Variants in TMC2 observed in about 807,000 individuals in gnomAD.
TMC2 encodes transmembrane channel-like protein 2.
Under a neutral mutation model 105.9 loss-of-function variants are expected in TMC2, and 102 were observed. The observed-to-expected ratio is 0.96, with a 90% CI of 0.82 to 1.14. The LOEUF is 1.14. Among genes scored for constraint, TMC2 ranks in the 50% most tolerant of loss-of-function variants. The pLI is 0.00. For missense variants in TMC2, 1,093 were observed against 1,134.3 expected, an observed-to-expected ratio of 0.96 and a Z score of 0.52; for synonymous variants, 402 against 422.8, an observed-to-expected ratio of 0.95 and a Z score of 0.60.
intron 4 of TMC2, among the ~76,000 whole-genome samples, chr20:2,565,302 C>T (rs1202381815): frequency 7.2e-5 from 11 of 152,218 alleles, no homozygotes; most frequent in Admixed American, 7.2e-4. Context: ...CCATTATTGT[C>T]ACCATTTTAC....
intron 5 of TMC2, among the ~76,000 whole-genome samples, chr20:2,578,132 C>T (rs1207833231): frequency 6.6e-6 from 1 of 151,982 alleles, no homozygotes; most frequent in East Asian, 1.9e-4. Context: ...GCCTGCCTGG[C>T]CAACATGGTG....
At chr20:2,613,576 G>A (rs1350850959) in intron 14 of TMC2, 1 of 448,514 alleles carries the variant, frequency 2.2e-6, no homozygotes, top group Non-Finnish European at 4.2e-6. Context: ...TTGGCCTAGG[G>A]GAAAGTGGAC....
At chr20:2,586,830 CT>C (rs1349828628) in intron 7 of TMC2, among the ~76,000 whole-genome samples, 2 of 152,162 alleles carry the variant, frequency 1.3e-5, no homozygotes, top group African/African-American at 4.8e-5. Flanking sequence ...ATAAATTTTC[CT>C]CTCAATACCA....
In TMC2 at chr20:2,602,339, C is replaced by A. The variant is rs561586556; in HGVS notation, c.1413+38C>A. The A allele has an allele frequency of 7.5e-6, 11 of 1,456,968 alleles. No individual in the cohort carries two copies. In the Admixed American group the frequency reaches 1.3e-4, roughly 18 times the overall value. 90.3% of individuals were successfully genotyped at this position (1,456,968 alleles called of 1,614,324 possible). ...TCGCTGATGAACTGAAGGTTGATGG[C>A]AAATACTGAAATCACTGGTTCCTAT... On this transcript the variant is annotated intron_variant, in intron 11 of 19. Coordinates refer to ENST00000358864, the MANE Select transcript of TMC2 (RefSeq NM_080751.3).
chr20:2,551,816 A>G (rs1438340712), intron 2 of TMC2, among the ~76,000 whole-genome samples: 1 of 152,202 alleles, frequency 6.6e-6, no homozygotes, highest in Middle Eastern at 3.2e-3. Flanking sequence ...TGAGCTCTCT[A>G]TTCCATCCCA....
intron 16 of TMC2, among the ~76,000 whole-genome samples, chr20:2,622,460 G>C (rs1355863150): frequency 7.2e-5 from 11 of 152,162 alleles, no homozygotes; most frequent in Non-Finnish European, 1.6e-4. Context: ...CTGAGGTCAG[G>C]AGTTCAAGAC....
intron 11 of TMC2, among the ~76,000 whole-genome samples, chr20:2,603,415 T>A (rs1214523294): frequency 2.6e-5 from 4 of 152,126 alleles, no homozygotes; most frequent in African/African-American, 9.7e-5. Context: ...AAAATCAGAT[T>A]TAAGTCTAAA....
chr20:2,554,369 T>C (rs1044485059), intron 2 of TMC2, among the ~76,000 whole-genome samples: 1 of 152,228 alleles, frequency 6.6e-6, no homozygotes, highest in Non-Finnish European at 1.5e-5. Context: ...GGGTCATCAA[T>C]ATTATCAATC....
At chr20:2,640,508 T>C (rs1193898004) in intron 19 of TMC2, among the ~76,000 whole-genome samples, 1 of 152,088 alleles carries the variant, frequency 6.6e-6, no homozygotes, top group African/African-American at 2.4e-5. Context: ...AGTGCTGATA[T>C]GGGGACCCTG....
Position 2,610,516 on chromosome 20 carries a change from G to C in TMC2, c.1511G>C (p.Trp504Ser). ...TACCACCCACGCACTGGACTGAAGT[G>C]GCAGCTGGGACGCATCTTTGCACTC... ...ENYHPRTGLK[W>S]QLGRIFALFL... Residue 504 changes from tryptophan to serine, a missense_variant, in exon 12 of 20, where the codon TGG (tryptophan) becomes TCG (serine). Physicochemically the swap from Trp to Ser is radical, Grantham distance 177 (BLOSUM62 -3). Coordinates refer to ENST00000358864, the MANE Select transcript of TMC2 (RefSeq NM_080751.3). 2 of 1,613,766 alleles carry C rather than the reference G, an allele frequency of 1.2e-6. No individual in the cohort carries two copies. Among genetic ancestry groups the C allele is most frequent in the Non-Finnish European group, 8.5e-7 (1 of 1,179,830 alleles).
intron 11 of TMC2, among the ~76,000 whole-genome samples, chr20:2,602,993 G>A (rs2086362876): frequency 6.6e-6 from 1 of 152,222 alleles, no homozygotes; most frequent in South Asian, 2.1e-4. Context: ...CATGAAACAT[G>A]CAGAGATTTG....
At chr20:2,586,147 A>G (rs1600114112) in intron 7 of TMC2, among the ~76,000 whole-genome samples, 1 of 152,170 alleles carries the variant, frequency 6.6e-6, no homozygotes, top group African/African-American at 2.4e-5. Context: ...CTCAGATTCC[A>G]AACTCTCACT....
At chr20:2,594,633 A>G (rs2086292220) in intron 8 of TMC2, among the ~76,000 whole-genome samples, 192 bp from the exon 9 acceptor site, 1 of 152,174 alleles carries the variant, frequency 6.6e-6, no homozygotes, top group Non-Finnish European at 1.5e-5. Flanking sequence ...GGAGAGAAAG[A>G]AGGGGAGATA....
chr20:2,634,902 C>A (rs574558677), intron 17 of TMC2, among the ~76,000 whole-genome samples: 1 of 152,330 alleles, frequency 6.6e-6, no homozygotes, highest in East Asian at 1.9e-4. Context: ...CTACACTCTG[C>A]CCCAAAGACC....
chr20:2,595,095 T>C (rs1242857815), intron 9 of TMC2, 128 bp downstream of exon 9: 3 of 1,048,026 alleles, frequency 2.9e-6, no homozygotes, highest in Non-Finnish European at 4.2e-6. Context: ...ACAGAAAGCA[T>C]ATGCACATTA....
chr20:2,557,663 T>C (rs1397244294), intron 2 of TMC2, among the ~76,000 whole-genome samples: 1 of 152,314 alleles, frequency 6.6e-6, no homozygotes, highest in Non-Finnish European at 1.5e-5. Context: ...TCCAAGTAGC[T>C]GGAATTACAG....
intron 17 of TMC2, among the ~76,000 whole-genome samples, chr20:2,625,041 CGG>C (rs2086554508): frequency 6.6e-6 from 1 of 152,244 alleles, no homozygotes; most frequent in Non-Finnish European, 1.5e-5. Context: ...TCTGTATCCC[CGG>C]TGCCAGCCTA....
intron 18 of TMC2, among the ~76,000 whole-genome samples, chr20:2,636,598 G>A (rs2013539): frequency 0.75 from 114,027 of 151,872 alleles, 42,957 homozygotes; most frequent in East Asian, 0.87. Context: ...TGGTCCCCCC[G>A]TCCACACCTT....
chr20:2,620,129 T>C (rs1426094038), intron 16 of TMC2, among the ~76,000 whole-genome samples: 1 of 152,166 alleles, frequency 6.6e-6, no homozygotes, highest in East Asian at 1.9e-4. Context: ...AACTTGGGTA[T>C]TTAGCTGAAG....
Sources: gnomAD v4.1 joint callset for allele counts (sites outside exome capture counted in the v4.1 genomes callset) on GRCh38, gnomAD v4.1.1 for gene constraint, MANE v1.5 for transcripts, NCBI Gene and HGNC (gene_info 2026-07-23, HGNC 2026-07-21) for gene names.